AUTS2: variants seen among roughly 807,000 people sequenced by gnomAD.
AUTS2 encodes activator of transcription and developmental regulator AUTS2.
In AUTS2, 17 loss-of-function variants were observed where a neutral mutation model predicts 112.4. The ratio of observed to expected loss-of-function variants is 0.15; its 90% CI spans 0.10 to 0.23. The LOEUF (loss-of-function observed/expected upper bound fraction) is 0.23, where lower values mean the gene tolerates loss of function less well. Ranked by LOEUF, AUTS2 falls within the 10% of genes least tolerant of loss-of-function variation. AUTS2 has a pLI of 1.00. For missense variants in AUTS2, 1,510 were observed against 1,701.6 expected (o/e 0.89, Z 1.98); for synonymous variants, 751 against 702.7 (o/e 1.07, Z -1.09).
chr7:70,773,595 C>T (rs551958468), intron 11 of AUTS2, among the ~76,000 whole-genome samples: 43 of 152,324 alleles, frequency 2.8e-4, no homozygotes, highest in Non-Finnish European at 4.9e-4. Context: ...CTGTAAAGTA[C>T]TTCCAGTTAT....
chr7:69,779,128 A>G (rs1789032487), intron 1 of AUTS2, among the ~76,000 whole-genome samples: 1 of 150,392 alleles, frequency 6.6e-6, no homozygotes, highest in Non-Finnish European at 1.5e-5. Context: ...CTTGGGCTCA[A>G]GTGATCCGTC....
At chr7:70,432,877 T>C (rs1323255356) in intron 4 of AUTS2, among the ~76,000 whole-genome samples, 4 of 152,158 alleles carry the variant, frequency 2.6e-5, no homozygotes, top group African/African-American at 9.7e-5. Context: ...AATGGAACTG[T>C]TTTCTCAGCA....
chr7:70,641,671 G>A (rs1563095303), intron 5 of AUTS2, among the ~76,000 whole-genome samples: 1 of 152,146 alleles, frequency 6.6e-6, no homozygotes, highest in Non-Finnish European at 1.5e-5. Flanking sequence ...TCCATGGGAG[G>A]CCGCCCTTAG....
chr7:70,482,436 G>T (rs1797827941), intron 5 of AUTS2, among the ~76,000 whole-genome samples: 3 of 152,168 alleles, frequency 2.0e-5, no homozygotes, highest in Admixed American at 6.5e-5. Flanking sequence ...AAGGGAGAAA[G>T]ACTGAGAGAA....
In AUTS2 at chr7:70,279,204, G is replaced by C. The variant is rs113036115; in HGVS notation, c.660+144633G>C. Among the ~76,000 whole-genome samples, 641 of 152,212 alleles carry C rather than the reference G, an allele frequency of 4.2e-3. 3 individuals are homozygous for C. Among genetic ancestry groups the C allele is most frequent in the Non-Finnish European group, 7.2e-3 (492 of 68,000 alleles). On this transcript the variant is annotated intron_variant, in intron 4 of 18. Transcript: ENST00000342771. ...TTCTGCCTTTTGCAGCTTATTTGAT[G>C]GGAATAAAAATGACTGATGGCACTC...
chr7:70,649,674 G>A (rs1806387336), intron 5 of AUTS2, among the ~76,000 whole-genome samples: 2 of 152,060 alleles, frequency 1.3e-5, no homozygotes, highest in Non-Finnish European at 1.5e-5. Flanking sequence ...GATTACAGGT[G>A]CCCACCACCA....
At chr7:70,236,715 G>A (rs1224991830) in intron 4 of AUTS2, among the ~76,000 whole-genome samples, 1 of 152,134 alleles carries the variant, frequency 6.6e-6, no homozygotes, top group Non-Finnish European at 1.5e-5. Context: ...TTTGGCAAGT[G>A]CTAGGGGCTC....
intron 5 of AUTS2, among the ~76,000 whole-genome samples, chr7:70,615,565 CTTGTTGTTGTTGTTG>C (rs57037063): frequency 2.7e-5 from 4 of 148,588 alleles, no homozygotes; most frequent in South Asian, 2.2e-4. Context: ...AGATTTATGG[CTTGTTGTTGTTGTTG>C]TTGTTGTTGT....
intron 2 of AUTS2, among the ~76,000 whole-genome samples, chr7:69,945,183 A>T (rs768781419): frequency 6.6e-6 from 1 of 152,210 alleles, no homozygotes; most frequent in South Asian, 2.1e-4. Context: ...ATTCACAGAG[A>T]TGCAGCCATC....
At chr7:69,740,363 G>T (rs1423932441) in intron 1 of AUTS2, among the ~76,000 whole-genome samples, 3 of 152,146 alleles carry the variant, frequency 2.0e-5, no homozygotes, top group African/African-American at 7.2e-5. Flanking sequence ...GAAGGTAGGT[G>T]GGGGGAGGAG....
intron 4 of AUTS2, among the ~76,000 whole-genome samples, chr7:70,382,349 C>G (rs556372086): frequency 9.2e-5 from 14 of 152,310 alleles, no homozygotes; most frequent in Non-Finnish European, 1.8e-4. Flanking sequence ...ATCCCCAACT[C>G]TGATGTGTCC....
intron 1 of AUTS2, among the ~76,000 whole-genome samples, chr7:69,733,574 ATTGAG>A (rs201716309): frequency 0.012 from 1,825 of 152,278 alleles, 13 homozygotes; most frequent in Non-Finnish European, 0.021. Flanking sequence ...AGAGCACCCC[ATTGAG>A]ATGGTTTAAA....
chr7:69,815,550 C>G (rs1222541109), intron 1 of AUTS2, among the ~76,000 whole-genome samples: 1 of 152,126 alleles, frequency 6.6e-6, no homozygotes. Context: ...GAGTCTCACT[C>G]TGTCGCCAGA....
intron 4 of AUTS2, among the ~76,000 whole-genome samples, chr7:70,138,441 T>C (rs1026399484): frequency 6.6e-6 from 1 of 152,226 alleles, no homozygotes; most frequent in Non-Finnish European, 1.5e-5. Flanking sequence ...TGATTCCTGC[T>C]GTAAGGGAAG....
rs992041632 is a variant in AUTS2, at chr7:70,301,903, T to C, written c.661-133849T>C. 5.9e-5 allele frequency among the ~76,000 whole-genome samples: 9 copies of C among 151,558 alleles called. No homozygotes were observed. The East Asian group carries it at 1.6e-3, about 26-fold the overall frequency. On this transcript the variant is annotated intron_variant, in intron 4 of 18. Transcript: ENST00000342771. Reference sequence around the variant, plus strand: ...CCTCCCAAGTAGCTGGGACCACAAGTGTGCACCACGATGCCTGTGTTTTGT... The same window carrying C: ...CCTCCCAAGTAGCTGGGACCACAAGCGTGCACCACGATGCCTGTGTTTTGT...
chr7:70,078,774 A>G (rs879685581), intron 2 of AUTS2, among the ~76,000 whole-genome samples: 10 of 152,220 alleles, frequency 6.6e-5, no homozygotes, highest in Non-Finnish European at 1.3e-4. Flanking sequence ...TGAGAGAAGC[A>G]TCCTGTTTCA....
chr7:69,913,812 T>C (rs1795455232), intron 2 of AUTS2, among the ~76,000 whole-genome samples: 1 of 152,206 alleles, frequency 6.6e-6, no homozygotes, highest in African/African-American at 2.4e-5. Context: ...TTCAGCTTCA[T>C]GTCATGCTTC....
chr7:70,474,668 A>T (rs1373869040), intron 5 of AUTS2, among the ~76,000 whole-genome samples: 1 of 152,204 alleles, frequency 6.6e-6, no homozygotes, highest in East Asian at 1.9e-4. Flanking sequence ...TGGGCAGTCT[A>T]GTTTAAGCCA....
At chr7:70,208,228 T>A (rs1173562504) in intron 4 of AUTS2, among the ~76,000 whole-genome samples, 3 of 152,162 alleles carry the variant, frequency 2.0e-5, no homozygotes, top group African/African-American at 7.2e-5. Flanking sequence ...GTCACACACA[T>A]GGTGTATTCA....
Sources: allele counts gnomAD v4.1 joint callset (sites outside exome capture counted in the v4.1 genomes callset), GRCh38; gene constraint gnomAD v4.1.1; transcripts MANE v1.5; gene names NCBI Gene and HGNC (gene_info 2026-07-23, HGNC 2026-07-21).